Variants in XRCC5 observed in about 807,000 individuals in gnomAD.
XRCC5 encodes the protein DNA repair protein Ku80.
In XRCC5, 12 loss-of-function variants were observed where a neutral mutation model predicts 95.7. The ratio of observed to expected loss-of-function variants is 0.13; its 90% CI spans 0.08 to 0.20. XRCC5 has a LOEUF of 0.20. XRCC5 is among the 10% of genes least tolerant of loss of function. The pLI is 1.00. For synonymous variants in XRCC5, 281 were observed against 290.3 expected, an observed-to-expected ratio of 0.97 and a Z score of 0.33; for missense variants, 595 against 873.9, an observed-to-expected ratio of 0.68 and a Z score of 4.02.
intron 15 of XRCC5, among the ~76,000 whole-genome samples, chr2:216,161,107 C>T (rs987371654): frequency 1.3e-5 from 2 of 152,070 alleles, no homozygotes; most frequent in Non-Finnish European, 2.9e-5. Context: ...AAGGGCATGC[C>T]TTTATTCTCA....
Position 216,185,037 on chromosome 2 carries a change from TTC to T in XRCC5, c.1835-5186_1835-5185del, listed in dbSNP as rs1689469727. 1.3e-4 allele frequency among the ~76,000 whole-genome samples: 20 copies of T among 152,318 alleles called. No homozygotes were observed. In the South Asian group the frequency reaches 4.1e-3, roughly 32 times the overall value. On this transcript the variant is annotated intron_variant, in intron 16 of 20. Coordinates refer to ENST00000392132, the MANE Select transcript of XRCC5 (RefSeq NM_021141.4). Reference sequence around the variant, plus strand: ...AGGGAGGGAGAAACCGGTGTATCTCTTCTTCCCTTTCTATGTTGGGTAGCATC... The same window carrying T: ...AGGGAGGGAGAAACCGGTGTATCTCTTTCCCTTTCTATGTTGGGTAGCATC...
At chr2:216,148,319 G>T in intron 14 of XRCC5, 43 bp downstream of exon 14, 1 of 1,556,978 alleles carries the variant, frequency 6.4e-7, no homozygotes, top group South Asian at 1.2e-5. Context: ...GGGTACATAA[G>T]AGTTGTGGTC....
intron 16 of XRCC5, among the ~76,000 whole-genome samples, chr2:216,188,590 GC>G (rs984701635): frequency 2.0e-5 from 3 of 152,132 alleles, no homozygotes; most frequent in African/African-American, 7.2e-5. Context: ...TTTTATTTGT[GC>G]CCAAATATGT....
chr2:216,111,399 C>A (rs1696588844), intron 1 of XRCC5: 1 of 451,018 alleles, frequency 2.2e-6, no homozygotes, highest in Non-Finnish European at 4.4e-6. Context: ...TGGGGTGCAA[C>A]TGTGGTCCCA....
intron 13 of XRCC5, among the ~76,000 whole-genome samples, chr2:216,142,035 C>T (rs1338064029): frequency 6.6e-6 from 1 of 151,650 alleles, no homozygotes; most frequent in Non-Finnish European, 1.5e-5. Flanking sequence ...GCCTGGGCGG[C>T]AGAATGAGAC....
intron 14 of XRCC5, among the ~76,000 whole-genome samples, chr2:216,152,885 G>A (rs1160054186): frequency 2.0e-5 from 3 of 151,654 alleles, no homozygotes; most frequent in Non-Finnish European, 4.4e-5. Context: ...TGCTTCATCT[G>A]GTACCTTAGG....
intron 19 of XRCC5, among the ~76,000 whole-genome samples, chr2:216,202,707 T>G (rs969280427): frequency 6.6e-6 from 1 of 151,996 alleles, no homozygotes; most frequent in Non-Finnish European, 1.5e-5. Flanking sequence ...AATTCCTTAT[T>G]CGCTCAGTCA....
Position 216,160,094 on chromosome 2 carries a change from A to C in XRCC5, c.1697A>C (p.Lys566Thr). The C allele has an allele frequency of 6.2e-7, 1 of 1,601,572 alleles. No individual in the cohort carries two copies. Among genetic ancestry groups the C allele is most frequent in the Non-Finnish European group, 8.5e-7 (1 of 1,173,486 alleles). The change falls in exon 15 of 21, where the codon AAA becomes ACA. Residue 566 changes from lysine (K) to threonine (T), a missense_variant. By Grantham distance (78) the Lys-to-Thr change is moderately conservative. This residue lies in a region of XRCC5 where 309 missense variants were observed against 382.9 expected (regional missense o/e 0.81). Transcript: ENST00000392132. ...DNHEDGPTAK[K>T]LKTEQGGAHF... ...CATGAAGATGGACCTACAGCTAAAA[A>C]ATTAAAGACTGAGCAAGGGGGAGCC... is the stretch of plus-strand genomic sequence containing the variant.
intron 6 of XRCC5, among the ~76,000 whole-genome samples, chr2:216,123,218 A>G (rs1696845502): frequency 6.6e-6 from 1 of 152,218 alleles, no homozygotes; most frequent in African/African-American, 2.4e-5. Context: ...TACAGTGTAT[A>G]TCTCCTTAAT....
rs1212635456 is a variant in XRCC5, at chr2:216,116,676, G to A, written c.153G>A (p.Lys51=). The A allele has an allele frequency of 1.2e-6, 2 of 1,614,162 alleles. No individual in the cohort carries two copies. Among genetic ancestry groups the A allele is most frequent in the Non-Finnish European group, 1.7e-6 (2 of 1,180,022 alleles). Residue 51 remains lysine (K), a synonymous_variant, in exon 3 of 21, where the codon AAG becomes AAA. Coordinates refer to ENST00000392132, the MANE Select transcript of XRCC5 (RefSeq NM_021141.4). ...TTTTCTAGGTGTTTGCTGAGAACAA[G>A]GATGAGATTGCTTTAGTCCTGTTTG... ...FVQRQVFAEN[K]DEIALVLFGT...
intron 19 of XRCC5, among the ~76,000 whole-genome samples, chr2:216,195,202 T>G (rs1464737472): frequency 6.6e-6 from 1 of 152,184 alleles, no homozygotes; most frequent in Non-Finnish European, 1.5e-5. Context: ...AACTCACCTG[T>G]AATCCCAGCT....
intron 14 of XRCC5, among the ~76,000 whole-genome samples, chr2:216,149,870 A>G (rs1377279938): frequency 6.6e-6 from 1 of 152,194 alleles, no homozygotes; most frequent in Non-Finnish European, 1.5e-5. Flanking sequence ...GGCTCGCAGC[A>G]TAGCTAAGTT....
intron 18 of XRCC5, among the ~76,000 whole-genome samples, chr2:216,194,277 G>A (rs1689675829): frequency 6.6e-6 from 1 of 152,024 alleles, no homozygotes; most frequent in South Asian, 2.1e-4. Flanking sequence ...ACCTACTTTT[G>A]TTTCACTTAA....
At chr2:216,156,470 C>T (rs1688844576) in intron 14 of XRCC5, 1 of 678,040 alleles carries the variant, frequency 1.5e-6, no homozygotes, top group Admixed American at 1.8e-5. Flanking sequence ...GTCAGATCTA[C>T]ATAAGCCTCA....
At chr2:216,112,616 G>A (rs1047292956) in intron 1 of XRCC5, among the ~76,000 whole-genome samples, 1 of 152,246 alleles carries the variant, frequency 6.6e-6, no homozygotes, top group South Asian at 2.1e-4. Context: ...GTGACTTACA[G>A]TGAAAGCATC....
rs557569579 is a variant in XRCC5, at chr2:216,171,887, C to T, written c.1834+9839C>T. On this transcript the variant is annotated intron_variant, in intron 16 of 20. Transcript: ENST00000392132. ...TAAAATAGCTTTATTGAAGTAAAATCTTCTACTATAAAATATACTGGTAAG... is the reference window on the plus strand; with the variant it reads ...TAAAATAGCTTTATTGAAGTAAAATTTTCTACTATAAAATATACTGGTAAG... 1.1e-3 allele frequency among the ~76,000 whole-genome samples: 174 copies of T among 152,260 alleles called. 1 individual carries two copies. The highest frequency in any genetic ancestry group is 4.0e-3 in the African/African-American group (165 of 41,544).
rs528298370 is a variant in XRCC5 at position 216,173,756 on chromosome 2, G to A, written c.1834+11708G>A. On this transcript the variant is annotated intron_variant, in intron 16 of 20. Transcript: ENST00000392132. ...AGGCCATTATCACTTGAGTGGGTTA[G>A]TTATAAAAAGGATGAGTTCGGCCTG... 3.3e-5 allele frequency among the ~76,000 whole-genome samples: 5 copies of A among 152,186 alleles called. No homozygotes were observed. In the South Asian group the frequency reaches 8.3e-4, roughly 25 times the overall value.
intron 16 of XRCC5, among the ~76,000 whole-genome samples, chr2:216,178,790 A>C (rs1559258206): frequency 6.6e-6 from 1 of 152,060 alleles, no homozygotes; most frequent in Non-Finnish European, 1.5e-5. Flanking sequence ...TAGACTGTCT[A>C]CTCCCCTAAG....
At chr2:216,181,116 A>G (rs1310704778) in intron 16 of XRCC5, among the ~76,000 whole-genome samples, 1 of 151,948 alleles carries the variant, frequency 6.6e-6, no homozygotes, top group Non-Finnish European at 1.5e-5. Flanking sequence ...CCCGGCCTTG[A>G]GTTTCTTCAT....
Sources: allele counts gnomAD v4.1 joint callset (sites outside exome capture counted in the v4.1 genomes callset), GRCh38; gene constraint gnomAD v4.1.1; regional missense constraint gnomAD v4.1.1; transcripts MANE v1.5; gene names NCBI Gene and HGNC (gene_info 2026-07-23, HGNC 2026-07-21).